Variants in POLR3A observed in about 807,000 individuals in gnomAD.
POLR3A encodes the protein DNA-directed RNA polymerase III subunit RPC1.
Under a neutral mutation model 152.8 loss-of-function variants are expected in POLR3A, and 112 were observed. The observed-to-expected ratio is 0.73, with a 90% CI of 0.63 to 0.86. The LOEUF is 0.86. POLR3A is among the 40% of genes least tolerant of loss of function. The pLI is 0.00. For synonymous variants in POLR3A, 615 were observed against 652.1 expected (o/e 0.94, Z 0.87); for missense variants, 1,385 against 1,743.1 (o/e 0.79, Z 3.66).
chr10:77,985,830 A>G, intron 23 of POLR3A, 73 bp downstream of exon 23: 1 of 1,115,478 alleles, frequency 9.0e-7, no homozygotes, highest in Admixed American at 1.7e-5. Context: ...AGGGTTTTGT[A>G]CACATGGGGA....
chr10:78,016,202 T>C (rs1240308916), intron 10 of POLR3A, among the ~76,000 whole-genome samples: 2 of 152,126 alleles, frequency 1.3e-5, no homozygotes, highest in South Asian at 2.1e-4. Flanking sequence ...AAGGTCTTAG[T>C]TGGAGGATTA....
At chr10:78,028,269 C>T (rs916327127) in intron 1 of POLR3A, among the ~76,000 whole-genome samples, 4 of 152,130 alleles carry the variant, frequency 2.6e-5, no homozygotes, top group Admixed American at 2.6e-4. Flanking sequence ...CACCTGTGTT[C>T]TCTCCCTCAG....
chr10:77,995,757 C>T (rs919728183), intron 19 of POLR3A, among the ~76,000 whole-genome samples: 1 of 152,274 alleles, frequency 6.6e-6, no homozygotes, highest in Non-Finnish European at 1.5e-5. Context: ...AACAACGAGA[C>T]AGAAAGTTAA....
At chr10:77,980,089 A>G in intron 30 of POLR3A, 52 bp downstream of exon 30, 1 of 1,557,282 alleles carries the variant, frequency 6.4e-7, no homozygotes, top group South Asian at 1.1e-5. Context: ...GCCATGGTCT[A>G]TTTGTAAATA....
chr10:78,014,378 CA>C (rs1847497701), intron 10 of POLR3A, among the ~76,000 whole-genome samples: 1 of 151,962 alleles, frequency 6.6e-6, no homozygotes, highest in South Asian at 2.1e-4. Context: ...TCAAAACAAA[CA>C]AAAAACCCCA....
intron 30 of POLR3A, 59 bp from the exon 31 acceptor site, chr10:77,977,685 A>C (rs1488801958): frequency 2.1e-6 from 3 of 1,450,254 alleles, no homozygotes; most frequent in Non-Finnish European, 2.9e-6. Flanking sequence ...ATTTTCACGA[A>C]GAAAGACTAT....
At chr10:78,003,006 T>C (rs1355827196) in intron 16 of POLR3A, among the ~76,000 whole-genome samples, 2 of 152,202 alleles carry the variant, frequency 1.3e-5, no homozygotes, top group Non-Finnish European at 2.9e-5. Flanking sequence ...GCCTGTACTA[T>C]TTGTAAATTT....
intron 19 of POLR3A, among the ~76,000 whole-genome samples, chr10:77,994,983 C>T (rs540207668): frequency 6.6e-6 from 1 of 152,320 alleles, no homozygotes; most frequent in East Asian, 1.9e-4. Context: ...CTCTACAAGC[C>T]AGAAGAGAGT....
chr10:78,001,137 A>G (rs761609788), intron 17 of POLR3A, 43 bp from the exon 18 acceptor site: 123 of 1,071,438 alleles, frequency 1.1e-4, no homozygotes, highest in Non-Finnish European at 1.7e-4. Flanking sequence ...TTACCAAAAT[A>G]ACACTAATTG....
chr10:77,982,896 C>T, intron 26 of POLR3A, 79 bp from the exon 27 acceptor site: 2 of 1,396,412 alleles, frequency 1.4e-6, no homozygotes, highest in Non-Finnish European at 2.0e-6. Context: ...TCTAAGAAGT[C>T]CTTTTAGTCA....
chr10:78,017,284 A>T (rs1261912810), intron 10 of POLR3A, among the ~76,000 whole-genome samples: 1 of 151,828 alleles, frequency 6.6e-6, no homozygotes, highest in Non-Finnish European at 1.5e-5. Flanking sequence ...AACAAAAAAC[A>T]AAAAAACCCC....
At chr10:77,990,063 T>G (rs1052872005) in intron 21 of POLR3A, among the ~76,000 whole-genome samples, 2 of 152,232 alleles carry the variant, frequency 1.3e-5, no homozygotes, top group Admixed American at 6.5e-5. Context: ...GATACATTCT[T>G]CTTTGGCCTG....
rs1288817432 is a variant in POLR3A, at chr10:77,980,259, G to A, written c.3906C>T (p.Gly1302=). The A allele has an allele frequency of 6.2e-7, 1 of 1,613,818 alleles. No individual in the cohort carries two copies. The highest frequency in any genetic ancestry group is 1.3e-5 in the African/African-American group (1 of 74,866). ...DLMTYKGEVL[G]ITRFGLAKMK... ...TCTTGGCCAGGCCAAACCTAGTGAT[G>A]CCCAGGACTTCACCCTGCGTCAAGG... Residue 1302 remains glycine, a synonymous_variant, in exon 30 of 31, where the codon GGC becomes GGT. Transcript: ENST00000372371.
chr10:77,980,483 C>T (rs74588158), intron 29 of POLR3A, among the ~76,000 whole-genome samples: 202 of 151,998 alleles, frequency 1.3e-3, no homozygotes, highest in East Asian at 3.5e-3. Context: ...CGCATCCAGA[C>T]GCCATCAGAA....
At chr10:78,022,084 T>C in intron 6 of POLR3A, 61 bp downstream of exon 6, 1 of 1,614,178 alleles carries the variant, frequency 6.2e-7, no homozygotes, top group Non-Finnish European at 8.5e-7. Flanking sequence ...TCACATTTTC[T>C]TGACCAGAAG....
chr10:78,010,906 CA>C (rs1256733038), intron 11 of POLR3A, among the ~76,000 whole-genome samples: 1 of 152,180 alleles, frequency 6.6e-6, no homozygotes, highest in East Asian at 1.9e-4. Flanking sequence ...TGCAGTGGTG[CA>C]AATATGGCTC....
At chr10:77,998,660 G>A (rs1051945927) in intron 19 of POLR3A, among the ~76,000 whole-genome samples, 3 of 152,184 alleles carry the variant, frequency 2.0e-5, no homozygotes, top group Admixed American at 2.0e-4. Context: ...AACAGGAGCT[G>A]GAGAGGATGT....
chr10:77,977,301 G>A lies in POLR3A; in HGVS notation c.*177C>T. On this transcript the variant is annotated 3_prime_UTR_variant, in exon 31 of 31. Transcript: ENST00000372371. Reference sequence around the variant, plus strand: ...GCGTGGCACAGTCAGGGTCACTGGTGTGAGCTGCACCCTATCAGAGGAGAA... The same window carrying A: ...GCGTGGCACAGTCAGGGTCACTGGTATGAGCTGCACCCTATCAGAGGAGAA... 1.4e-6 allele frequency: 1 copy of A among 698,366 alleles called. No individual in the cohort carries two copies. The highest frequency in any genetic ancestry group is 1.6e-5 in the South Asian group (1 of 60,806). 43.3% of individuals were successfully genotyped at this position (698,366 alleles called of 1,614,324 possible). A position where few individuals can be genotyped will look rare whatever the true frequency, so the allele number is the denominator to read the frequency against.
intron 14 of POLR3A, among the ~76,000 whole-genome samples, chr10:78,008,296 A>C (rs73298690): frequency 3.9e-5 from 6 of 152,342 alleles, no homozygotes; most frequent in African/African-American, 7.2e-5. Flanking sequence ...CCTATACAAC[A>C]ACCAAATGAA....
Sources: allele counts gnomAD v4.1 joint callset (sites outside exome capture counted in the v4.1 genomes callset), GRCh38; gene constraint gnomAD v4.1.1; transcripts MANE v1.5; gene names NCBI Gene and HGNC (gene_info 2026-07-23, HGNC 2026-07-21).